Variants in ST6GALNAC5 observed in about 807,000 individuals in gnomAD.
ST6GALNAC5 encodes the protein alpha-N-acetylgalactosaminide alpha-2,6-sialyltransferase 5.
ST6GALNAC5 carries 27 observed loss-of-function variants against 33.6 expected under a neutral mutation model. The observed-to-expected ratio is 0.80, with a 90% CI of 0.59 to 1.11. The LOEUF is 1.11. ST6GALNAC5 is among the 50% of genes least tolerant of loss of function. ST6GALNAC5 has a pLI of 0.00. For missense variants in ST6GALNAC5, 428 were observed against 454.0 expected (o/e 0.94, Z 0.52); for synonymous variants, 194 against 171.2 (o/e 1.13, Z -1.04).
intron 2 of ST6GALNAC5, among the ~76,000 whole-genome samples, chr1:76,989,284 T>G (rs1276276322): frequency 6.8e-6 from 1 of 146,540 alleles, no homozygotes. Context: ...AATTCTTCTA[T>G]TTTTTTTTTC....
At chr1:77,037,058 T>C (rs1557769838) in intron 2 of ST6GALNAC5, among the ~76,000 whole-genome samples, 1 of 151,856 alleles carries the variant, frequency 6.6e-6, no homozygotes, top group East Asian at 1.9e-4. Context: ...TAACATAAAG[T>C]ATATCAGACA....
At chr1:76,937,872 A>G (rs1239173690) in intron 2 of ST6GALNAC5, among the ~76,000 whole-genome samples, 1 of 151,996 alleles carries the variant, frequency 6.6e-6, no homozygotes. Flanking sequence ...ATCAATATCT[A>G]TTTGCCACAA....
At chr1:76,935,591 A>G (rs910699046) in intron 2 of ST6GALNAC5, among the ~76,000 whole-genome samples, 5 of 151,864 alleles carry the variant, frequency 3.3e-5, no homozygotes, top group Non-Finnish European at 5.9e-5. Context: ...TTGGTGTTGT[A>G]TTGGTTGGTT....
intron 2 of ST6GALNAC5, among the ~76,000 whole-genome samples, chr1:77,041,193 C>T (rs1651819881): frequency 6.6e-6 from 1 of 152,216 alleles, no homozygotes; most frequent in Non-Finnish European, 1.5e-5. Flanking sequence ...GTTTCCATTA[C>T]ATAATCCTTT....
In ST6GALNAC5 at chr1:77,014,821, G is replaced by GA. The variant is rs1197119961; in HGVS notation, c.262-29376dup. ...AATTTTCTGGGAAATGTGGCCATATGAAAAAAATGATCACTTTTTCCTCAC... is the reference window on the plus strand; with the variant it reads ...AATTTTCTGGGAAATGTGGCCATATGAAAAAAAATGATCACTTTTTCCTCAC... On this transcript the variant is annotated intron_variant, in intron 2 of 4. Coordinates refer to ENST00000477717, the MANE Select transcript of ST6GALNAC5 (RefSeq NM_030965.3). Among the ~76,000 whole-genome samples the GA allele has an allele frequency of 2.0e-5, 3 of 152,052 alleles. No homozygotes were observed. In the East Asian group the frequency reaches 5.8e-4, roughly 29 times the overall value.
intron 4 of ST6GALNAC5, among the ~76,000 whole-genome samples, chr1:77,052,990 A>G (rs949281001): frequency 2.6e-5 from 4 of 151,394 alleles, no homozygotes; most frequent in East Asian, 3.9e-4. Flanking sequence ...CTGGAGGCTT[A>G]TAATAAGCCT....
chr1:77,023,122 C>T (rs1223224882), intron 2 of ST6GALNAC5, among the ~76,000 whole-genome samples: 2 of 152,176 alleles, frequency 1.3e-5, no homozygotes, highest in Non-Finnish European at 2.9e-5. Context: ...AGGCAGGCCC[C>T]TGCAAGCCAA....
At chr1:77,009,206 C>G (rs1226503075) in intron 2 of ST6GALNAC5, among the ~76,000 whole-genome samples, 1 of 152,192 alleles carries the variant, frequency 6.6e-6, no homozygotes, top group East Asian at 1.9e-4. Flanking sequence ...TTCCACCAGA[C>G]TTTATGGACG....
intron 2 of ST6GALNAC5, among the ~76,000 whole-genome samples, chr1:76,914,327 T>C (rs1012789382): frequency 6.6e-6 from 1 of 152,116 alleles, no homozygotes; most frequent in Non-Finnish European, 1.5e-5. Flanking sequence ...CTTCACAGAA[T>C]TGGAAAAAAC....
chr1:76,913,711 C>T (rs191282096), intron 2 of ST6GALNAC5, among the ~76,000 whole-genome samples: 61 of 152,098 alleles, frequency 4.0e-4, no homozygotes, highest in African/African-American at 1.3e-3. Flanking sequence ...TTGATGGCAT[C>T]GGCTCCAAAC....
intron 2 of ST6GALNAC5, among the ~76,000 whole-genome samples, chr1:77,018,787 G>A (rs559060075): frequency 4.3e-4 from 65 of 152,320 alleles, no homozygotes; most frequent in African/African-American, 1.5e-3. Context: ...CATTATAAGC[G>A]TTCAATAAAT....
At chr1:76,945,185 G>C (rs917878142) in intron 2 of ST6GALNAC5, among the ~76,000 whole-genome samples, 1 of 152,022 alleles carries the variant, frequency 6.6e-6, no homozygotes, top group Admixed American at 6.5e-5. Context: ...TAGAGGACTT[G>C]GGGTTAAGGC....
chr1:76,993,672 T>A (rs1371013460), intron 2 of ST6GALNAC5, among the ~76,000 whole-genome samples: 1 of 152,230 alleles, frequency 6.6e-6, no homozygotes, highest in Non-Finnish European at 1.5e-5. Context: ...AGCCCGACTC[T>A]GCCAGGGCTC....
chr1:76,886,311 T>C (rs1653893891), intron 2 of ST6GALNAC5, among the ~76,000 whole-genome samples: 1 of 152,310 alleles, frequency 6.6e-6, no homozygotes, highest in African/African-American at 2.4e-5. Flanking sequence ...GTTCCTTTTT[T>C]TTGTACTTGA....
intron 3 of ST6GALNAC5, 116 bp downstream of exon 3, chr1:77,044,729 TC>T (rs1458031748): frequency 1.5e-6 from 2 of 1,293,964 alleles, no homozygotes; most frequent in African/African-American, 3.0e-5. Flanking sequence ...ACTGCTCATG[TC>T]ATTGCTAGAG....
intron 4 of ST6GALNAC5, among the ~76,000 whole-genome samples, chr1:77,058,287 T>C (rs1025796642): frequency 6.6e-6 from 1 of 152,198 alleles, no homozygotes; most frequent in Admixed American, 6.5e-5. Context: ...ATAGTTTGGA[T>C]ATGTTTTGTT....
At chr1:77,011,912 A>C (rs1650650862) in intron 2 of ST6GALNAC5, among the ~76,000 whole-genome samples, 1 of 152,208 alleles carries the variant, frequency 6.6e-6, no homozygotes, top group South Asian at 2.1e-4. Context: ...CATTATCGCA[A>C]TTAATCTTCA....
intron 2 of ST6GALNAC5, among the ~76,000 whole-genome samples, chr1:76,891,670 A>C (rs1440557598): frequency 6.6e-6 from 1 of 152,164 alleles, no homozygotes; most frequent in East Asian, 1.9e-4. Flanking sequence ...AAGATCATGA[A>C]GAATTATTCC....
chr1:76,988,972 G>T (rs760871612), intron 2 of ST6GALNAC5, among the ~76,000 whole-genome samples: 7 of 152,046 alleles, frequency 4.6e-5, no homozygotes, highest in Non-Finnish European at 1.0e-4. Flanking sequence ...TTATCTCAAA[G>T]TCTCTTTGCT....
Sources: allele counts gnomAD v4.1 joint callset (sites outside exome capture counted in the v4.1 genomes callset), GRCh38; gene constraint gnomAD v4.1.1; transcripts MANE v1.5; gene names NCBI Gene and HGNC (gene_info 2026-07-23, HGNC 2026-07-21).